The following HFM1 variants were observed in gnomAD, a reference collection of about 807,000 sequenced individuals.
HFM1 encodes helicase for meiosis 1.
A neutral mutation model predicts 192.1 loss-of-function variants in HFM1; 169 were observed. That is an observed-to-expected ratio of 0.88 (90% CI 0.78 to 1.00). The LOEUF (loss-of-function observed/expected upper bound fraction) is 1.00, where lower values mean the gene tolerates loss of function less well. HFM1 is among the 50% of genes least tolerant of loss of function. The pLI, the probability that HFM1 is intolerant of heterozygous loss-of-function variation, is 0.00. For synonymous variants in HFM1, 525 were observed against 537.8 expected (o/e 0.98, Z 0.33); for missense variants, 1,661 against 1,668.0 (o/e 1.00, Z 0.07).
intron 20 of HFM1, among the ~76,000 whole-genome samples, chr1:91,342,813 G>C (rs573646756): frequency 6.6e-6 from 1 of 152,226 alleles, no homozygotes; most frequent in South Asian, 2.1e-4. Flanking sequence ...AATATAAAAA[G>C]CATATTAAAA....
chr1:91,391,116 G>A (rs1662929182), intron 4 of HFM1, among the ~76,000 whole-genome samples: 1 of 152,164 alleles, frequency 6.6e-6, no homozygotes, highest in African/African-American at 2.4e-5. Flanking sequence ...ACAAACAAAT[G>A]GAAGAACATT....
At chr1:91,400,128 G>A (rs1017599531) in intron 2 of HFM1, among the ~76,000 whole-genome samples, 4 of 151,978 alleles carry the variant, frequency 2.6e-5, no homozygotes, top group African/African-American at 9.7e-5. Context: ...AAATAATGAG[G>A]CAATTAATAC....
chr1:91,325,301 T>C (rs1031965571), intron 20 of HFM1, among the ~76,000 whole-genome samples: 1 of 152,182 alleles, frequency 6.6e-6, no homozygotes, highest in Non-Finnish European at 1.5e-5. Context: ...ACAGTATCTC[T>C]GGACACACCC....
intron 30 of HFM1, among the ~76,000 whole-genome samples, chr1:91,277,788 T>A (rs1248788225): frequency 8.0e-6 from 1 of 125,170 alleles, no homozygotes; most frequent in Admixed American, 9.8e-5. Context: ...ATGTATATAC[T>A]TTATATATAA....
At chr1:91,335,442 T>C (rs1048970296) in intron 20 of HFM1, among the ~76,000 whole-genome samples, 2 of 152,200 alleles carry the variant, frequency 1.3e-5, no homozygotes, top group East Asian at 1.9e-4. Context: ...TTAATAGAGA[T>C]GAAGCTTTCC....
intron 13 of HFM1, among the ~76,000 whole-genome samples, chr1:91,368,353 T>C (rs190924166): frequency 5.9e-5 from 9 of 151,836 alleles, no homozygotes; most frequent in Non-Finnish European, 1.2e-4. Context: ...GAGAGAAAGG[T>C]TGGGTTACCA....
intron 28 of HFM1, among the ~76,000 whole-genome samples, chr1:91,314,678 G>C (rs1650945928): frequency 6.6e-6 from 1 of 151,928 alleles, no homozygotes; most frequent in Non-Finnish European, 1.5e-5. Flanking sequence ...TTTTAAACTG[G>C]CTATACGTTA....
intron 20 of HFM1, 31 bp from the exon 21 acceptor site, chr1:91,324,797 C>T (rs1414131962): frequency 8.8e-7 from 1 of 1,136,576 alleles, no homozygotes; most frequent in Non-Finnish European, 1.3e-6. Context: ...ATGAACGGTC[C>T]CCTCATCAGC....
rs747292830 is a variant in HFM1 at position 91,261,265 on chromosome 1, T to G, written c.*25A>C. 30 of 991,756 alleles carry G rather than the reference T, an allele frequency of 3.0e-5. No homozygotes were observed. The highest frequency in any genetic ancestry group is 4.0e-5 in the Non-Finnish European group (29 of 720,394). The allele number at this position is 991,756 out of a possible 1,614,324, so 61.4% of individuals were successfully genotyped here. A position where few individuals can be genotyped will look rare whatever the true frequency, so the allele number is the denominator to read the frequency against. ...TTAGGTGTCTTTATTCTTTCTCTTA[T>G]CAATATAAAAAGTATTTGTTTGTTT... is the stretch of plus-strand genomic sequence containing the variant. On this transcript the variant is annotated 3_prime_UTR_variant, in exon 39 of 39. Coordinates refer to ENST00000370425, the MANE Select transcript of HFM1 (RefSeq NM_001017975.6).
chr1:91,292,464 A>C (rs1002946516), intron 30 of HFM1, among the ~76,000 whole-genome samples: 4 of 149,490 alleles, frequency 2.7e-5, no homozygotes, highest in African/African-American at 9.9e-5. Flanking sequence ...TGCTTCAAAG[A>C]GAATAAAATA....
chr1:91,280,220 G>A (rs1265753176), intron 30 of HFM1, among the ~76,000 whole-genome samples: 1 of 152,174 alleles, frequency 6.6e-6, no homozygotes, highest in Non-Finnish European at 1.5e-5. Context: ...GAGCACTGAA[G>A]AAAGAAGGGA....
intron 20 of HFM1, among the ~76,000 whole-genome samples, chr1:91,331,935 C>T (rs1323681752): frequency 2.0e-5 from 3 of 151,956 alleles, no homozygotes; most frequent in Non-Finnish European, 4.4e-5. Flanking sequence ...CTATAAAACA[C>T]TGATGAAAGA....
chr1:91,281,425 C>T (rs1168900985), intron 30 of HFM1, among the ~76,000 whole-genome samples: 3 of 152,114 alleles, frequency 2.0e-5, no homozygotes, highest in Non-Finnish European at 4.4e-5. Context: ...TCATCAATGC[C>T]TCCTTCCTTG....
At chr1:91,290,840 T>C (rs1199613786) in intron 30 of HFM1, among the ~76,000 whole-genome samples, 3 of 152,062 alleles carry the variant, frequency 2.0e-5, no homozygotes, top group Non-Finnish European at 4.4e-5. Context: ...ACAGAAATTA[T>C]AACAAACTAT....
intron 38 of HFM1, 108 bp from the exon 39 acceptor site, chr1:91,261,467 G>T: frequency 2.1e-6 from 1 of 476,370 alleles, no homozygotes; most frequent in Non-Finnish European, 3.5e-6. Context: ...CTTGAAGATT[G>T]CTATGAAGTT....
intron 20 of HFM1, among the ~76,000 whole-genome samples, chr1:91,325,479 G>A (rs1652764556): frequency 6.6e-6 from 1 of 152,184 alleles, no homozygotes; most frequent in East Asian, 1.9e-4. Flanking sequence ...GTATTTTTGA[G>A]AGAAAGTAAG....
intron 18 of HFM1, 103 bp from the exon 19 acceptor site, chr1:91,347,579 GA>G (rs1019846640): frequency 5.6e-5 from 32 of 570,868 alleles, no homozygotes; most frequent in South Asian, 8.1e-5. Context: ...TCTTATATAA[GA>G]AAAAAAAATC....
intron 30 of HFM1, among the ~76,000 whole-genome samples, chr1:91,286,950 G>C (rs569056339): frequency 6.6e-6 from 1 of 152,208 alleles, no homozygotes; most frequent in East Asian, 1.9e-4. Context: ...GCGCTTTTCC[G>C]ACGGGCTTAA....
intron 1 of HFM1, among the ~76,000 whole-genome samples, chr1:91,404,423 C>T (rs866884759): frequency 1.3e-5 from 2 of 152,268 alleles, no homozygotes; most frequent in South Asian, 4.1e-4. Context: ...ATGGGTACGT[C>T]CCCCCCAGCG....
Sources: gnomAD v4.1 joint callset for allele counts (sites outside exome capture counted in the v4.1 genomes callset) on GRCh38, gnomAD v4.1.1 for gene constraint, MANE v1.5 for transcripts, NCBI Gene and HGNC (gene_info 2026-07-23, HGNC 2026-07-21) for gene names.